Variants in DAB2IP observed in about 807,000 individuals in gnomAD.
The protein encoded by DAB2IP is disabled homolog 2-interacting protein.
In DAB2IP, 28 loss-of-function variants were observed where a neutral mutation model predicts 107.2. The ratio of observed to expected loss-of-function variants is 0.26; its 90% CI spans 0.19 to 0.36. DAB2IP has a LOEUF of 0.36. Among genes scored for constraint, DAB2IP ranks in the 10% least tolerant of loss-of-function variants. The pLI is 1.00. For missense variants in DAB2IP, 1,400 were observed against 1,644.7 expected (o/e 0.85, Z 2.57); for synonymous variants, 755 against 706.4 (o/e 1.07, Z -1.09).
At chr9:121,716,866 A>T (rs942939096) in intron 3 of DAB2IP, among the ~76,000 whole-genome samples, 2 of 152,164 alleles carry the variant, frequency 1.3e-5, no homozygotes, top group Non-Finnish European at 1.5e-5. Flanking sequence ...TCTTCCCGCT[A>T]AGTCAAAGTG....
intron 1 of DAB2IP, among the ~76,000 whole-genome samples, chr9:121,612,107 A>G (rs991753001): frequency 6.6e-6 from 1 of 151,912 alleles, no homozygotes; most frequent in Non-Finnish European, 1.5e-5. Context: ...GATCTGAATT[A>G]AAGAGTCAAT....
Position 121,772,741 on chromosome 9 carries a change from A to G in DAB2IP, c.2213A>G (p.Gln738Arg). 6.2e-7 allele frequency: 1 copy of G among 1,614,026 alleles called. No individual in the cohort carries two copies. The highest frequency in any genetic ancestry group is 8.5e-7 in the Non-Finnish European group (1 of 1,180,012). The change falls in exon 12 of 16, where the codon CAG becomes CGG. Residue 738 changes from glutamine to arginine, a missense_variant. Around this residue, in one of 3 missense-constraint regions of DAB2IP, gnomAD observed 600 missense variants for 659.1 expected, o/e 0.91. Transcript: ENST00000408936. The surrounding 1 kb of genome is among the most constrained non-coding windows in gnomAD (Gnocchi z 4.7). Reference sequence around the variant, plus strand: ...TCGGAAGCCAACGAGCCTGATCTTCAGATGGCCAACGGTGGCAAGAGCCTC... The same window carrying G: ...TCGGAAGCCAACGAGCCTGATCTTCGGATGGCCAACGGTGGCAAGAGCCTC...
At chr9:121,580,069 T>C (rs1830157085) in intron 1 of DAB2IP, among the ~76,000 whole-genome samples, 1 of 152,100 alleles carries the variant, frequency 6.6e-6, no homozygotes, top group Non-Finnish European at 1.5e-5. Context: ...CAATGGAATG[T>C]ATAAACCCCT....
chr9:121,724,041 T>C (rs1309413435), intron 3 of DAB2IP, among the ~76,000 whole-genome samples: 1 of 152,116 alleles, frequency 6.6e-6, no homozygotes, highest in Non-Finnish European at 1.5e-5. Context: ...ACGAGGATAG[T>C]GACAGGGACA....
chr9:121,721,787 C>G (rs374831584), intron 3 of DAB2IP, among the ~76,000 whole-genome samples: 12 of 152,144 alleles, frequency 7.9e-5, no homozygotes, highest in African/African-American at 2.9e-4. Flanking sequence ...TGGATAAAAC[C>G]CAGATGGGCA....
At position 121,760,286 on chromosome 9, in the gene DAB2IP, C is replaced by T; in HGVS notation, c.1017C>T (p.Ile339=). The T allele has an allele frequency of 6.2e-7, 1 of 1,613,924 alleles. No homozygotes were observed. The highest frequency in any genetic ancestry group is 8.5e-7 in the Non-Finnish European group (1 of 1,180,024). Residue 339 remains isoleucine (I), a synonymous_variant, in exon 6 of 16, where the codon ATC becomes ATT. Transcript: ENST00000408936. The surrounding 1 kb of genome is among the most constrained non-coding windows in gnomAD (Gnocchi z 5.9). ...AGGCGCGCTACCAAACCATCACCAT[C>T]CTGCCCATGGAGATGTACAAAGAGT... is the stretch of plus-strand genomic sequence containing the variant.
rs949033946 is a variant in DAB2IP at position 121,599,900 on chromosome 9, C to T, written c.40+32672C>T. On this transcript the variant is annotated intron_variant, in intron 1 of 16. Coordinates refer to the DAB2IP transcript ENST00000259371. The surrounding 1 kb of genome is among the most constrained non-coding windows in gnomAD (Gnocchi z 6.9). ...GGGTAGGGGACTGAGGAATGGGCGG[C>T]GACTTTGCTTTATTTACCCCGCTTT... 5.3e-5 allele frequency among the ~76,000 whole-genome samples: 8 copies of T among 152,216 alleles called. No homozygotes were observed. Among genetic ancestry groups the T allele is most frequent in the African/African-American group, 1.7e-4 (7 of 41,538 alleles).
chr9:121,610,491 G>T (rs1831054517), intron 1 of DAB2IP, among the ~76,000 whole-genome samples: 1 of 152,188 alleles, frequency 6.6e-6, no homozygotes, highest in South Asian at 2.1e-4. Flanking sequence ...ACCCAGCTGG[G>T]AAGGGCAGAG....
intron 1 of DAB2IP, among the ~76,000 whole-genome samples, chr9:121,595,116 C>G (rs867295205): frequency 6.6e-6 from 1 of 152,022 alleles, no homozygotes; most frequent in Non-Finnish European, 1.5e-5. Flanking sequence ...TGAGCACTTC[C>G]TCATGAGCCA....
intron 3 of DAB2IP, among the ~76,000 whole-genome samples, chr9:121,704,054 C>T (rs1829933048): frequency 6.6e-6 from 1 of 152,180 alleles, no homozygotes; most frequent in Admixed American, 6.5e-5. Flanking sequence ...CCGTTTGGGT[C>T]ATACTTGTTT....
At chr9:121,660,479 C>G (rs1571805) in intron 1 of DAB2IP, among the ~76,000 whole-genome samples, 2 of 152,002 alleles carry the variant, frequency 1.3e-5, no homozygotes, top group Non-Finnish European at 2.9e-5. Flanking sequence ...GAGGCCAGTC[C>G]GCTTCCTGGG....
chr9:121,583,855 GAC>G (rs1183286222), intron 1 of DAB2IP, among the ~76,000 whole-genome samples: 1 of 152,160 alleles, frequency 6.6e-6, no homozygotes, highest in Non-Finnish European at 1.5e-5. Context: ...ACCCAGCTTG[GAC>G]TAGAGCAGCT....
intron 3 of DAB2IP, among the ~76,000 whole-genome samples, chr9:121,731,442 G>T (rs1459987632): frequency 6.6e-6 from 1 of 152,262 alleles, no homozygotes; most frequent in Non-Finnish European, 1.5e-5. Context: ...CAAAGCAGAG[G>T]CTGCCCCTCT....
chr9:121,574,829 G>C (rs1397195967), intron 1 of DAB2IP: 1 of 152,186 alleles, frequency 6.6e-6, no homozygotes, highest in African/African-American at 2.4e-5. Context: ...AACTTGCCCA[G>C]CTGGGCAGCT....
At chr9:121,774,117 C>G (rs927532062) in intron 12 of DAB2IP, 143 bp from the exon 13 acceptor site, 1 of 956,098 alleles carries the variant, frequency 1.0e-6, no homozygotes, top group African/African-American at 1.7e-5. Context: ...GGGACTGCCT[C>G]GGTAGGCGCT....
intron 1 of DAB2IP, among the ~76,000 whole-genome samples, chr9:121,582,139 T>G (rs1336703404): frequency 1.3e-5 from 2 of 152,082 alleles, no homozygotes; most frequent in Admixed American, 1.3e-4. Flanking sequence ...TAGAAAGGGC[T>G]GAAAGGGGGT....
chr9:121,720,557 A>G (rs926631764), intron 3 of DAB2IP, among the ~76,000 whole-genome samples: 1 of 152,178 alleles, frequency 6.6e-6, no homozygotes, highest in South Asian at 2.1e-4. Flanking sequence ...CTCAGGTCAC[A>G]TCTGTCAGCC....
intron 1 of DAB2IP, among the ~76,000 whole-genome samples, chr9:121,570,900 C>T (rs1042448731): frequency 2.0e-5 from 3 of 152,036 alleles, no homozygotes; most frequent in Non-Finnish European, 2.9e-5. Flanking sequence ...TCTGGCTGGC[C>T]CCTTCTCCTG....
chr9:121,588,589 G>T (rs185917079), intron 1 of DAB2IP, among the ~76,000 whole-genome samples: 3 of 112,054 alleles, frequency 2.7e-5, no homozygotes, highest in Non-Finnish European at 5.7e-5. Flanking sequence ...GGGAAGGGAA[G>T]GGGGAAGGGG....
Sources: gnomAD v4.1 joint callset for allele counts (sites outside exome capture counted in the v4.1 genomes callset) on GRCh38, gnomAD v4.1.1 for gene constraint, gnomAD v4.1.1 regional missense constraint, Gnocchi (gnomAD v3.1) non-coding constraint, MANE v1.5 for transcripts, NCBI Gene and HGNC (gene_info 2026-07-23, HGNC 2026-07-21) for gene names.